NEBL: variants seen among roughly 807,000 people sequenced by gnomAD.
The protein encoded by NEBL is LIM and SH3 protein 2.
NEBL carries 122 observed loss-of-function variants against 140.2 expected under a neutral mutation model. That is an observed-to-expected ratio of 0.87 (90% CI 0.75 to 1.01). The LOEUF (loss-of-function observed/expected upper bound fraction) is 1.01, where lower values mean the gene tolerates loss of function less well. Among genes scored for constraint, NEBL ranks in the 50% least tolerant of loss-of-function variants. The probability of loss-of-function intolerance (pLI) is 0.00; values close to 1 mark genes in which losing one functional copy is unlikely to be tolerated. For missense variants in NEBL, 1,365 were observed against 1,231.3 expected (o/e 1.11, Z -1.62); for synonymous variants, 436 against 398.9 (o/e 1.09, Z -1.11).
intron 2 of NEBL, among the ~76,000 whole-genome samples, chr10:21,114,769 C>T (rs994487157): frequency 6.6e-6 from 1 of 151,858 alleles, no homozygotes; most frequent in African/African-American, 2.4e-5. Flanking sequence ...TTAACTTTTA[C>T]CCTATCTGTG....
chr10:21,283,252 A>G (rs1843014521), intron 1 of NEBL, among the ~76,000 whole-genome samples: 1 of 152,124 alleles, frequency 6.6e-6, no homozygotes, highest in South Asian at 2.1e-4. Flanking sequence ...TAGCGCCATG[A>G]CGGTTTACAA....
chr10:21,235,231 G>A (rs578099688), intron 3 of NEBL, among the ~76,000 whole-genome samples: 43 of 152,228 alleles, frequency 2.8e-4, no homozygotes, highest in Middle Eastern at 3.4e-3. Flanking sequence ...AGGAGGTTGC[G>A]GCTGCAGTGA....
At chr10:20,955,002 A>G (rs375901649) in intron 4 of NEBL, among the ~76,000 whole-genome samples, 149 of 152,368 alleles carry the variant, frequency 9.8e-4, no homozygotes, top group Middle Eastern at 6.8e-3. Context: ...TAAAGGCAGC[A>G]GAGAGACTTA....
chr10:21,093,374 A>G (rs1424710369), intron 2 of NEBL, among the ~76,000 whole-genome samples: 1 of 152,118 alleles, frequency 6.6e-6, no homozygotes, highest in African/African-American at 2.4e-5. Flanking sequence ...AATGGGCTGG[A>G]GAAGGGAGAC....
chr10:21,239,137 T>G (rs1486686391), intron 3 of NEBL, among the ~76,000 whole-genome samples: 1 of 152,176 alleles, frequency 6.6e-6, no homozygotes, highest in African/African-American at 2.4e-5. Flanking sequence ...AAGCCAAGTC[T>G]TCTATCTTGA....
chr10:21,030,260 C>T (rs2131802733), intron 2 of NEBL: 1 of 597,886 alleles, frequency 1.7e-6, no homozygotes, highest in East Asian at 4.4e-5. Flanking sequence ...ACCGGAGAGG[C>T]ACCCAAGCTG....
chr10:21,158,243 T>C (rs1003892704), intron 2 of NEBL, among the ~76,000 whole-genome samples: 4 of 152,238 alleles, frequency 2.6e-5, no homozygotes, highest in Non-Finnish European at 4.4e-5. Context: ...ATTTCTACAA[T>C]CTGTCTCTTC....
chr10:21,057,754 T>C (rs1256752776), intron 2 of NEBL, among the ~76,000 whole-genome samples: 1 of 151,970 alleles, frequency 6.6e-6, no homozygotes, highest in Non-Finnish European at 1.5e-5. Context: ...AGAGACAGAA[T>C]TTTGCCATGT....
Position 20,808,536 on chromosome 10 carries a change from T to A in NEBL, c.2735A>T (p.Glu912Val). ...TCCTTCATCAGACGGTCTTGTTACC[T>A]CACTGCAGCATGAAAAGCTAGGGTA... ...EIYPSFSCCS[E>V]VTRPSDEGAP... is the part of the protein sequence containing the mutation. Residue 912 changes from glutamate to valine, a missense_variant, in exon 26 of 28, where the codon GAG becomes GTG. This residue lies in a region of NEBL where 1,323 missense variants were observed against 1,154.8 expected (regional missense o/e 1.15). Coordinates refer to ENST00000377122, the MANE Select transcript of NEBL (RefSeq NM_006393.3). The A allele has an allele frequency of 6.2e-7, 1 of 1,613,968 alleles. No individual in the cohort carries two copies. The highest frequency in any genetic ancestry group is 2.2e-5 in the East Asian group (1 of 44,860).
At chr10:21,030,399 C>A in intron 2 of NEBL, 1 of 617,190 alleles carries the variant, frequency 1.6e-6, no homozygotes, top group Non-Finnish European at 3.0e-6. Context: ...ACTGAAAAGT[C>A]TCTAGAAAAT....
At chr10:21,067,566 T>A (rs552160891) in intron 2 of NEBL, among the ~76,000 whole-genome samples, 3 of 152,164 alleles carry the variant, frequency 2.0e-5, no homozygotes, top group Admixed American at 2.0e-4. Context: ...ACAAAGGAGA[T>A]CTTGGAAAGA....
intron 2 of NEBL, among the ~76,000 whole-genome samples, chr10:21,171,305 A>G (rs528263892): frequency 1.3e-5 from 2 of 150,308 alleles, no homozygotes; most frequent in Non-Finnish European, 3.0e-5. Context: ...ATTGCACTAC[A>G]GCCTGGGCAA....
chr10:20,933,084 G>A (rs778648265), intron 4 of NEBL, among the ~76,000 whole-genome samples: 2 of 151,866 alleles, frequency 1.3e-5, no homozygotes, highest in Admixed American at 6.6e-5. Flanking sequence ...AGGTACAATC[G>A]ATTAGAAGAA....
intron 2 of NEBL, among the ~76,000 whole-genome samples, chr10:21,162,885 G>A (rs1339641924): frequency 6.6e-6 from 1 of 152,228 alleles, no homozygotes; most frequent in Non-Finnish European, 1.5e-5. Flanking sequence ...CATAAGAACA[G>A]CATGAGTAAA....
At chr10:20,960,646 T>C (rs1836008435) in intron 4 of NEBL, among the ~76,000 whole-genome samples, 1 of 152,078 alleles carries the variant, frequency 6.6e-6, no homozygotes, top group Non-Finnish European at 1.5e-5. Context: ...TATGTGTGTA[T>C]ATGTGTGTAT....
chr10:20,856,949 C>T (rs534002666), intron 9 of NEBL, among the ~76,000 whole-genome samples: 1 of 152,252 alleles, frequency 6.6e-6, no homozygotes, highest in African/African-American at 2.4e-5. Flanking sequence ...CTGCCTCAGT[C>T]TCCTGAGTAG....
intron 2 of NEBL, among the ~76,000 whole-genome samples, chr10:21,094,499 C>CA (rs72278772): frequency 0.022 from 1,360 of 63,254 alleles, 78 homozygotes; most frequent in Middle Eastern, 0.056. Flanking sequence ...GACTCCGTCT[C>CA]AAAAAAAAAA....
intron 2 of NEBL, among the ~76,000 whole-genome samples, chr10:21,044,148 A>C (rs1380605203): frequency 1.3e-5 from 2 of 152,084 alleles, no homozygotes; most frequent in Non-Finnish European, 2.9e-5. Context: ...TGTAATCCCA[A>C]CAATTTTGGA....
At chr10:20,851,610 C>T (rs1045832810) in intron 10 of NEBL, among the ~76,000 whole-genome samples, 1 of 143,590 alleles carries the variant, frequency 7.0e-6, no homozygotes, top group East Asian at 2.1e-4. Context: ...CCCGTCTTTA[C>T]TAAAAATACA....
Sources: allele counts gnomAD v4.1 joint callset (sites outside exome capture counted in the v4.1 genomes callset), GRCh38; gene constraint gnomAD v4.1.1; regional missense constraint gnomAD v4.1.1; transcripts MANE v1.5; gene names NCBI Gene and HGNC (gene_info 2026-07-23, HGNC 2026-07-21).